Variants in GPC5 observed in about 807,000 individuals in gnomAD.
GPC5 encodes the protein glypican 5.
GPC5 carries 47 observed loss-of-function variants against 53.9 expected under a neutral mutation model. The observed-to-expected ratio is 0.87, with a 90% CI of 0.69 to 1.11. The LOEUF is 1.11. GPC5 is among the 50% of genes most tolerant of loss of function. The pLI, the probability that GPC5 is intolerant of heterozygous loss-of-function variation, is 0.00. For missense variants in GPC5, 748 were observed against 713.1 expected, an observed-to-expected ratio of 1.05 and a Z score of -0.56; for synonymous variants, 286 against 263.3, an observed-to-expected ratio of 1.09 and a Z score of -0.84.
At chr13:92,243,081 T>C (rs761939701) in intron 7 of GPC5, among the ~76,000 whole-genome samples, 1 of 152,226 alleles carries the variant, frequency 6.6e-6, no homozygotes, top group African/African-American at 2.4e-5. Flanking sequence ...TTAGCTCTAA[T>C]TTTAAGCCTT....
chr13:91,445,390 C>T (rs926372434), intron 1 of GPC5, among the ~76,000 whole-genome samples: 1 of 152,162 alleles, frequency 6.6e-6, no homozygotes, highest in African/African-American at 2.4e-5. Flanking sequence ...GGGTGATCGA[C>T]ACCCCAGGTG....
At chr13:91,567,839 T>C (rs2031604303) in intron 2 of GPC5, among the ~76,000 whole-genome samples, 1 of 152,210 alleles carries the variant, frequency 6.6e-6, no homozygotes, top group Admixed American at 6.6e-5. Flanking sequence ...TTTGGCTCTG[T>C]GTCCCCACCC....
At chr13:92,423,225 G>A (rs1427106028) in intron 7 of GPC5, among the ~76,000 whole-genome samples, 1 of 152,152 alleles carries the variant, frequency 6.6e-6, no homozygotes, top group East Asian at 1.9e-4. Context: ...TCACGCTGAA[G>A]ATTAGGTTTC....
intron 7 of GPC5, among the ~76,000 whole-genome samples, chr13:92,485,495 G>GA (rs537940137): frequency 2.0e-4 from 30 of 150,800 alleles, no homozygotes; most frequent in African/African-American, 3.9e-4. Context: ...ATCAAGAGTA[G>GA]AAAAAAAAAT....
At chr13:91,844,534 A>G (rs1275264584) in intron 5 of GPC5, among the ~76,000 whole-genome samples, 1 of 152,172 alleles carries the variant, frequency 6.6e-6, no homozygotes, top group East Asian at 1.9e-4. Flanking sequence ...CAACTAGGCA[A>G]TGGCTATGAA....
At chr13:92,819,312 T>A (rs1444428914) in intron 7 of GPC5, among the ~76,000 whole-genome samples, 2 of 150,532 alleles carry the variant, frequency 1.3e-5, no homozygotes, top group East Asian at 1.9e-4. Context: ...CAATGTTCTA[T>A]ATGTGGACTT....
chr13:91,427,239 C>T (rs117902755), intron 1 of GPC5, among the ~76,000 whole-genome samples: 5,444 of 152,268 alleles, frequency 0.036, 142 homozygotes, highest in Middle Eastern at 0.068. Context: ...ATGGTAGATC[C>T]ACTGACAACT....
chr13:92,482,947 C>T (rs1879413927), intron 7 of GPC5, among the ~76,000 whole-genome samples: 1 of 152,116 alleles, frequency 6.6e-6, no homozygotes. Context: ...TTCCACATGG[C>T]TGGGGAGACC....
intron 7 of GPC5, among the ~76,000 whole-genome samples, chr13:92,546,687 C>T (rs1882127767): frequency 6.6e-6 from 1 of 152,138 alleles, no homozygotes; most frequent in Admixed American, 6.5e-5. Context: ...CATATGGAAA[C>T]AAAAAAGAGC....
rs1161176058 is a variant in GPC5, at chr13:92,415,189, A to G, written c.1561+270200A>G. 3.9e-5 allele frequency among the ~76,000 whole-genome samples: 6 copies of G among 152,130 alleles called. No individual in the cohort carries two copies. The East Asian group carries it at 9.7e-4, about 24-fold the overall frequency. ...TCTTTGACAACATGTTCATAACTTAATGTTTCATCTTTCTGGCAACTTCAA... is the reference window on the plus strand; with the variant it reads ...TCTTTGACAACATGTTCATAACTTAGTGTTTCATCTTTCTGGCAACTTCAA... On this transcript the variant is annotated intron_variant, in intron 7 of 7. Coordinates refer to ENST00000377067, the MANE Select transcript of GPC5 (RefSeq NM_004466.6).
At chr13:91,774,879 T>C (rs1411963903) in intron 5 of GPC5, among the ~76,000 whole-genome samples, 1 of 152,156 alleles carries the variant, frequency 6.6e-6, no homozygotes, top group African/African-American at 2.4e-5. Context: ...TTATCTTGCC[T>C]CCCTCACTCC....
intron 3 of GPC5, among the ~76,000 whole-genome samples, chr13:91,728,016 G>A (rs2036611799): frequency 6.6e-6 from 1 of 152,060 alleles, no homozygotes; most frequent in African/African-American, 2.4e-5. Flanking sequence ...GAAAGAAGAT[G>A]CAGAACTATT....
chr13:92,286,538 T>G (rs2042956113), intron 7 of GPC5, among the ~76,000 whole-genome samples: 1 of 152,142 alleles, frequency 6.6e-6, no homozygotes, highest in Admixed American at 6.5e-5. Context: ...ATATACACCA[T>G]GGAATACTAT....
At chr13:92,409,026 A>T (rs1322470005) in intron 7 of GPC5, among the ~76,000 whole-genome samples, 1 of 152,096 alleles carries the variant, frequency 6.6e-6, no homozygotes, top group Non-Finnish European at 1.5e-5. Context: ...AATATTCTTT[A>T]TAAATTGAAA....
chr13:91,749,449 C>T (rs1386509893), intron 4 of GPC5, among the ~76,000 whole-genome samples: 1 of 152,176 alleles, frequency 6.6e-6, no homozygotes, highest in African/African-American at 2.4e-5. Context: ...AGGTTGATTC[C>T]ATGTCTTTGT....
At chr13:92,053,696 A>T (rs1246661292) in intron 6 of GPC5, among the ~76,000 whole-genome samples, 1 of 152,046 alleles carries the variant, frequency 6.6e-6, no homozygotes. Flanking sequence ...AAGAAGTTGT[A>T]TATTACTTTG....
At chr13:92,519,836 A>G (rs1297428902) in intron 7 of GPC5, among the ~76,000 whole-genome samples, 1 of 152,260 alleles carries the variant, frequency 6.6e-6, no homozygotes, top group Non-Finnish European at 1.5e-5. Context: ...CAATGAATCC[A>G]GGATCTGTTT....
At chr13:91,435,672 G>C (rs1006396682) in intron 1 of GPC5, among the ~76,000 whole-genome samples, 1 of 152,268 alleles carries the variant, frequency 6.6e-6, no homozygotes, top group African/African-American at 2.4e-5. Context: ...TCTCTGCCAA[G>C]CTTTGGTATC....
chr13:91,798,740 A>G (rs915815051), intron 5 of GPC5, among the ~76,000 whole-genome samples: 1 of 152,050 alleles, frequency 6.6e-6, no homozygotes, highest in African/African-American at 2.4e-5. Flanking sequence ...ATTTGACCCA[A>G]ATTGCTGGGT....
Sources: gnomAD v4.1 joint callset for allele counts (sites outside exome capture counted in the v4.1 genomes callset) on GRCh38, gnomAD v4.1.1 for gene constraint, MANE v1.5 for transcripts, NCBI Gene and HGNC (gene_info 2026-07-23, HGNC 2026-07-21) for gene names.